Variants in MLLT3 observed in about 807,000 individuals in gnomAD.
MLLT3 encodes the protein MLLT3 super elongation complex subunit, also known as protein AF-9.
In MLLT3, 4 loss-of-function variants were observed where a neutral mutation model predicts 53.2. That is an observed-to-expected ratio of 0.08 (90% CI 0.04 to 0.17). The LOEUF (loss-of-function observed/expected upper bound fraction) is 0.17. Ranked by LOEUF, MLLT3 falls within the 10% of genes least tolerant of loss-of-function variation. MLLT3 has a pLI of 1.00. For synonymous variants in MLLT3, 283 were observed against 230.6 expected, an observed-to-expected ratio of 1.23 and a Z score of -2.06; for missense variants, 569 against 684.0, an observed-to-expected ratio of 0.83 and a Z score of 1.87.
At chr9:20,542,238 A>T (rs11535445) in intron 2 of MLLT3, among the ~76,000 whole-genome samples, 1,370 of 50,638 alleles carry the variant, frequency 0.027, 140 homozygotes, top group Middle Eastern at 0.09. Context: ...GAGCAGTAAT[A>T]TTTTTTTTTT....
intron 5 of MLLT3, among the ~76,000 whole-genome samples, chr9:20,392,717 A>G (rs1426882768): frequency 2.0e-5 from 3 of 152,158 alleles, no homozygotes; most frequent in Admixed American, 2.0e-4. Context: ...AATTTGCAAT[A>G]AACATAACAA....
At chr9:20,447,893 G>C (rs76651124) in intron 4 of MLLT3, among the ~76,000 whole-genome samples, 4,236 of 152,056 alleles carry the variant, frequency 0.028, 207 homozygotes, top group African/African-American at 0.096. Context: ...TAGATCTTAA[G>C]GCTGTTTTAA....
rs1820789156 is a variant in MLLT3, at chr9:20,343,379, CTACCT to C, written c.*3059_*3063del. The stretch of plus-strand genomic sequence containing the variant: ...TGATCTGAAGTTTTTATAGTCTTCC[CTACCT>C]TGACACTATATGAACGCATTTATAG... On this transcript the variant is annotated 3_prime_UTR_variant, in exon 11 of 11. Coordinates refer to ENST00000380338, the MANE Select transcript of MLLT3 (RefSeq NM_004529.4). The C allele has an allele frequency of 4.7e-6, 1 of 211,446 alleles. No homozygotes were observed. The highest frequency in any genetic ancestry group is 5.9e-5 in the Admixed American group (1 of 16,936). 13.1% of individuals were successfully genotyped at this position (211,446 alleles called of 1,614,324 possible). A position where few individuals can be genotyped will look rare whatever the true frequency, so the allele number is the denominator to read the frequency against.
Position 20,494,036 on chromosome 9 carries a change from T to G in MLLT3, c.194-37250A>C, listed in dbSNP as rs118112254. On this transcript the variant is annotated intron_variant, in intron 2 of 10. Transcript: ENST00000380338. ...AAAATTCTCAGATAGAAACTAACAA[T>G]AGACTTGTCTTCAGGAAGATGCAAT... 1.1e-3 allele frequency among the ~76,000 whole-genome samples: 165 copies of G among 152,242 alleles called. 2 individuals carry two copies. The East Asian group carries it at 0.028, about 26-fold the overall frequency.
At chr9:20,427,079 C>A (rs908587844) in intron 4 of MLLT3, among the ~76,000 whole-genome samples, 1 of 151,966 alleles carries the variant, frequency 6.6e-6, no homozygotes, top group African/African-American at 2.4e-5. Flanking sequence ...AAATCAAATA[C>A]GAATTCGCGA....
At chr9:20,507,262 A>T (rs575509495) in intron 2 of MLLT3, among the ~76,000 whole-genome samples, 10 of 152,302 alleles carry the variant, frequency 6.6e-5, no homozygotes, top group Admixed American at 2.0e-4. Context: ...CAATCTACAA[A>T]TTCATATAAT....
intron 2 of MLLT3, among the ~76,000 whole-genome samples, chr9:20,457,103 T>C (rs1011574112): frequency 3.3e-5 from 5 of 152,150 alleles, no homozygotes; most frequent in African/African-American, 1.2e-4. Flanking sequence ...GGGAAACTGA[T>C]GATTGCTCCC....
At chr9:20,457,398 C>T (rs1240324129) in intron 2 of MLLT3, among the ~76,000 whole-genome samples, 1 of 151,708 alleles carries the variant, frequency 6.6e-6, no homozygotes, top group Non-Finnish European at 1.5e-5. Flanking sequence ...TACAGGCATG[C>T]GTCACCACAC....
intron 2 of MLLT3, among the ~76,000 whole-genome samples, chr9:20,485,043 C>T (rs1330289678): frequency 6.6e-6 from 1 of 151,290 alleles, no homozygotes; most frequent in East Asian, 1.9e-4. Flanking sequence ...GACTGGAGTG[C>T]AGTGGCGCAA....
At chr9:20,418,188 G>A (rs1173164333) in intron 4 of MLLT3, 1 of 152,170 alleles carries the variant, frequency 6.6e-6, no homozygotes, top group Admixed American at 6.5e-5. Context: ...GGTCCAAGAG[G>A]TTATGCATAT....
At chr9:20,354,135 T>C (rs573604579) in intron 9 of MLLT3, among the ~76,000 whole-genome samples, 2 of 152,336 alleles carry the variant, frequency 1.3e-5, no homozygotes, top group South Asian at 2.1e-4. Flanking sequence ...TAGTAAGCAA[T>C]GCCAGCAAGT....
At chr9:20,437,437 T>TA in intron 4 of MLLT3, among the ~76,000 whole-genome samples, 1 of 151,048 alleles carries the variant, frequency 6.6e-6, no homozygotes, top group Admixed American at 6.6e-5. Flanking sequence ...CAGAAAAAAA[T>TA]AAAAAAGAAG....
rs549732328 is a variant in MLLT3, at chr9:20,486,047, G to C, written c.194-29261C>G. Among the ~76,000 whole-genome samples, 27 of 152,150 alleles carry C rather than the reference G, an allele frequency of 1.8e-4. No individual in the cohort carries two copies. The East Asian group carries it at 3.7e-3, about 21-fold the overall frequency. ...GTATTGTATTATTTTCAGCCATGAA[G>C]TAACACTTCACTCACACACGTTATA... On this transcript the variant is annotated intron_variant, in intron 2 of 10. Transcript: ENST00000380338.
At chr9:20,508,275 GC>G (rs1422669591) in intron 2 of MLLT3, among the ~76,000 whole-genome samples, 1 of 152,034 alleles carries the variant, frequency 6.6e-6, no homozygotes, top group African/African-American at 2.4e-5. Flanking sequence ...CCCACATTCC[GC>G]CCTTCCCCTT....
At chr9:20,572,476 G>C (rs1247393796) in intron 2 of MLLT3, among the ~76,000 whole-genome samples, 2 of 152,222 alleles carry the variant, frequency 1.3e-5, no homozygotes, top group Admixed American at 1.3e-4. Flanking sequence ...AAAATATATA[G>C]TTTGTTATTT....
At chr9:20,436,424 C>A (rs1823405645) in intron 4 of MLLT3, among the ~76,000 whole-genome samples, 3 of 152,104 alleles carry the variant, frequency 2.0e-5, no homozygotes, top group African/African-American at 7.2e-5. Flanking sequence ...GTCTACAAAG[C>A]AATAAACAAA....
At chr9:20,506,939 G>A (rs1158039342) in intron 2 of MLLT3, among the ~76,000 whole-genome samples, 1 of 152,140 alleles carries the variant, frequency 6.6e-6, no homozygotes, top group Non-Finnish European at 1.5e-5. Flanking sequence ...ATTTAAGTAG[G>A]GGGTGGGTAT....
At chr9:20,617,784 A>C (rs1466179945) in intron 2 of MLLT3, among the ~76,000 whole-genome samples, 1 of 152,144 alleles carries the variant, frequency 6.6e-6, no homozygotes, top group African/African-American at 2.4e-5. Flanking sequence ...ATTAGTTTTA[A>C]ATTGAAGGTC....
chr9:20,430,692 G>C (rs1823244717), intron 4 of MLLT3, among the ~76,000 whole-genome samples: 1 of 151,916 alleles, frequency 6.6e-6, no homozygotes, highest in Admixed American at 6.6e-5. Context: ...ATATGACCTT[G>C]GTATAGGAGA....
Sources: allele counts gnomAD v4.1 joint callset (sites outside exome capture counted in the v4.1 genomes callset), GRCh38; gene constraint gnomAD v4.1.1; transcripts MANE v1.5; gene names NCBI Gene and HGNC (gene_info 2026-07-23, HGNC 2026-07-21).